The following TACC2 variants were observed in gnomAD, a reference collection of about 807,000 sequenced individuals.
The protein encoded by TACC2 is transforming acidic coiled-coil-containing protein 2.
In TACC2, 137 loss-of-function variants were observed where a neutral mutation model predicts 227.3. That is an observed-to-expected ratio of 0.60 (90% CI 0.52 to 0.69). The LOEUF is 0.69. TACC2 is among the 30% of genes least tolerant of loss of function. The probability of loss-of-function intolerance (pLI) is 0.00; values close to 1 mark genes in which losing one functional copy is unlikely to be tolerated. For synonymous variants in TACC2, 1,523 were observed against 1,487.5 expected, an observed-to-expected ratio of 1.02 and a Z score of -0.55; for missense variants, 3,470 against 3,694.4, an observed-to-expected ratio of 0.94 and a Z score of 1.57.
At chr10:122,226,237 G>T (rs1452433154) in intron 12 of TACC2, 129 bp from the exon 13 acceptor site, 2 of 646,018 alleles carry the variant, frequency 3.1e-6, no homozygotes, top group Non-Finnish European at 5.5e-6. Context: ...CTTCCTGGTG[G>T]CTCCAGAACA....
chr10:122,102,411 G>A (rs1426806964), intron 5 of TACC2, among the ~76,000 whole-genome samples: 1 of 152,176 alleles, frequency 6.6e-6, no homozygotes, highest in East Asian at 1.9e-4. Context: ...CAAGCCCACT[G>A]CATAGGCTGA....
chr10:122,074,014 T>C (rs1437531940), intron 3 of TACC2, among the ~76,000 whole-genome samples: 1 of 151,918 alleles, frequency 6.6e-6, no homozygotes, highest in African/African-American at 2.4e-5. Context: ...TCTCCTGACC[T>C]TGTGATCTGC....
chr10:122,241,932 CCAA>C (rs2096005090), intron 18 of TACC2, 23 bp from the exon 19 acceptor site: 2 of 1,611,950 alleles, frequency 1.2e-6, no homozygotes, highest in Non-Finnish European at 1.7e-6. Flanking sequence ...TGTCATGACT[CCAA>C]CGTGTCTTTA....
At chr10:122,107,788 T>G (rs1055270851) in intron 5 of TACC2, among the ~76,000 whole-genome samples, 1 of 150,404 alleles carries the variant, frequency 6.6e-6, no homozygotes, top group Non-Finnish European at 1.5e-5. Flanking sequence ...ACCTAAGCAG[T>G]GTACACCGTA....
chr10:122,018,012 T>TAA (rs11395611), intron 1 of TACC2, among the ~76,000 whole-genome samples: 1,602 of 141,368 alleles, frequency 0.011, 23 homozygotes, highest in African/African-American at 0.025. Flanking sequence ...TTATTTCTTC[T>TAA]AAAAAAAAAA....
chr10:122,124,517 C>T (rs1189185832), intron 5 of TACC2, among the ~76,000 whole-genome samples: 2 of 152,234 alleles, frequency 1.3e-5, no homozygotes, highest in Non-Finnish European at 2.9e-5. Flanking sequence ...ATGGTCTGAG[C>T]GTCTGAGGTT....
chr10:122,187,692 C>T (rs1299128775), intron 7 of TACC2, among the ~76,000 whole-genome samples: 6 of 151,896 alleles, frequency 4.0e-5, no homozygotes, highest in Non-Finnish European at 8.8e-5. Flanking sequence ...GGTTTCTCCA[C>T]CTTGGCCAGG....
In TACC2 at chr10:122,084,882, G is replaced by C; in HGVS notation, c.2382G>C (p.Thr794=). 6.2e-7 allele frequency: 1 copy of C among 1,614,038 alleles called. No homozygotes were observed. The highest frequency in any genetic ancestry group is 8.5e-7 in the Non-Finnish European group (1 of 1,180,030). ...ACTTGGCAGCAGACCTGGGGCTCAC[G>C]GCACTCATCCTGGACCAAGATCAGC... The part of the protein sequence containing the change: ...GENLAADLGL[T]ALILDQDQQG... The change falls in exon 4 of 23, where the codon ACG becomes ACC. Residue 794 remains threonine (T), a synonymous_variant. Transcript: ENST00000369005.
At chr10:122,248,893 G>T in intron 20 of TACC2, 90 bp downstream of exon 20, 1 of 1,573,388 alleles carries the variant, frequency 6.4e-7, no homozygotes, top group Non-Finnish European at 8.7e-7. Flanking sequence ...CCAGAAGTTG[G>T]TCTTGAGCCA....
intron 18 of TACC2, among the ~76,000 whole-genome samples, chr10:122,240,344 G>A (rs1350707288): frequency 1.3e-5 from 2 of 152,118 alleles, no homozygotes; most frequent in Non-Finnish European, 2.9e-5. Flanking sequence ...CTCCTGTGTA[G>A]GATTTGGAAA....
Position 122,223,056 on chromosome 10 carries a change from T to C in TACC2, c.7547-1670T>C, listed in dbSNP as rs1361218052. ...CTCCTCCTCTCTCTCTCTCTCTCTT[T>C]TTTTTTTTTTTTTTTTTGAGGCAGT... On this transcript the variant is annotated intron_variant, in intron 11 of 22. Transcript: ENST00000369005. 2.2e-4 allele frequency among the ~76,000 whole-genome samples: 32 copies of C among 144,038 alleles called. No homozygotes were observed. The South Asian group carries it at 4.6e-3, about 21-fold the overall frequency. The allele number at this position is 144,038 out of a possible 152,430, so 94.5% of individuals were successfully genotyped here.
rs188626382 is a variant in TACC2, at chr10:122,059,653, G to A, written c.146+9103G>A. On this transcript the variant is annotated intron_variant, in intron 3 of 22. Transcript: ENST00000369005. Reference sequence around the variant, plus strand: ...GATGCAGCTGGCAGCACGCACCATGGGAGCTCTGCTCCGGTGGGTAAATAC... The same window carrying A: ...GATGCAGCTGGCAGCACGCACCATGAGAGCTCTGCTCCGGTGGGTAAATAC... Among the ~76,000 whole-genome samples, 21 of 152,244 alleles carry A rather than the reference G, an allele frequency of 1.4e-4. No homozygotes were observed. In the East Asian group the frequency reaches 3.9e-3, roughly 28 times the overall value.
At chr10:122,096,096 C>T (rs544334486) in intron 5 of TACC2, among the ~76,000 whole-genome samples, 9 of 152,180 alleles carry the variant, frequency 5.9e-5, no homozygotes, top group Non-Finnish European at 1.2e-4. Flanking sequence ...CCCTTCCTCC[C>T]GCTGGCTGGC....
chr10:122,003,198 C>T (rs1214668810), intron 1 of TACC2, among the ~76,000 whole-genome samples: 1 of 151,988 alleles, frequency 6.6e-6, no homozygotes, highest in Admixed American at 6.6e-5. Context: ...AAGCAAGACT[C>T]TGTCTCAAAC....
At chr10:122,217,577 T>G (rs997812384) in intron 11 of TACC2, among the ~76,000 whole-genome samples, 1 of 151,518 alleles carries the variant, frequency 6.6e-6, no homozygotes, top group Non-Finnish European at 1.5e-5. Flanking sequence ...TAGCTGAGAT[T>G]ACAGGCGCGT....
chr10:122,227,859 G>T lies in TACC2; in HGVS notation c.7747G>T (p.Ala2583Ser), dbSNP rs777206576. Residue 2583 changes from alanine (A) to serine (S), a missense_variant, in exon 14 of 23, where the codon GCC (alanine) becomes TCC (serine). By Grantham distance (99) the Ala-to-Ser change is moderately conservative. Coordinates refer to ENST00000369005, the MANE Select transcript of TACC2 (RefSeq NM_206862.4). ...CSGSSFEETE[A>S]LVNTAAKNQH... The stretch of plus-strand genomic sequence containing the variant: ...CAGGTCAAGTTTTGAAGAGACTGAA[G>T]CCCTTGTGAACACTGCTGCGAAAAA... The T allele has an allele frequency of 8.7e-6, 14 of 1,613,668 alleles. No homozygotes were observed. The highest frequency in any genetic ancestry group is 6.7e-5 in the Admixed American group (4 of 59,948).
At chr10:122,216,876 C>A (rs10444046) in intron 11 of TACC2, 48 bp downstream of exon 11, 1,176,278 of 1,613,318 alleles carry the variant, frequency 0.73, 432,186 homozygotes, top group East Asian at 1. Flanking sequence ...CTCGGAGAAT[C>A]CTGCCCCTAG....
At chr10:122,249,260 G>C (rs1312626257) in intron 21 of TACC2, 104 bp downstream of exon 21, 2 of 847,064 alleles carry the variant, frequency 2.4e-6, no homozygotes, top group East Asian at 2.6e-5. Flanking sequence ...GCTTGGAAAG[G>C]GGGCATCATC....
intron 2 of TACC2, among the ~76,000 whole-genome samples, chr10:122,031,549 C>T (rs544650159): frequency 8.2e-5 from 12 of 146,524 alleles, no homozygotes; most frequent in South Asian, 6.6e-4. Context: ...GGACTATAGG[C>T]GCCCACCACT....
Sources: allele counts gnomAD v4.1 joint callset (sites outside exome capture counted in the v4.1 genomes callset), GRCh38; gene constraint gnomAD v4.1.1; transcripts MANE v1.5; gene names NCBI Gene and HGNC (gene_info 2026-07-23, HGNC 2026-07-21).